The following NXPH4 variants were observed in gnomAD, a reference collection of about 807,000 sequenced individuals.
The protein encoded by NXPH4 is neurexophilin-4.
A neutral mutation model predicts 21.3 loss-of-function variants in NXPH4; 8 were observed. That is an observed-to-expected ratio of 0.38 (90% CI 0.22 to 0.68). The LOEUF (loss-of-function observed/expected upper bound fraction) is 0.68. Among genes scored for constraint, NXPH4 ranks in the 30% least tolerant of loss-of-function variants. The pLI is 0.53. For synonymous variants in NXPH4, 219 were observed against 192.6 expected, an observed-to-expected ratio of 1.14 and a Z score of -1.13; for missense variants, 418 against 416.8, an observed-to-expected ratio of 1.00 and a Z score of -0.03.
Position 57,224,953 on chromosome 12 carries a change from G to GC in NXPH4, c.138dup (p.Gly47ArgfsTer192). Reference sequence around the variant, plus strand: ...GCGCCCCGCCGCGGCCGGAGCGGGTGCCCCCGGCCAGCAGCTCCCAGAGCC... The same window carrying GC: ...GCGCCCCGCCGCGGCCGGAGCGGGTGCCCCCCGGCCAGCAGCTCCCAGAGCC... On this transcript the variant is annotated frameshift_variant, in exon 2 of 2. Transcript: ENST00000349394. LOFTEE classifies it high-confidence loss of function. The GC allele has an allele frequency of 1.4e-6, 2 of 1,401,324 alleles. No individual in the cohort carries two copies. Among genetic ancestry groups the GC allele is most frequent in the South Asian group, 3.2e-5 (2 of 62,684 alleles). The allele number at this position is 1,401,324 out of a possible 1,614,324, so 86.8% of individuals were successfully genotyped here.
chr12:57,223,588 C>A lies in NXPH4; in HGVS notation c.58-1290C>A, dbSNP rs555728808. ...AGGCTGACACACATGGTACTGCCTC[C>A]CCCCATGGGACCTGTGCACAGTCAG... On this transcript the variant is annotated intron_variant, in intron 1 of 1. Coordinates refer to ENST00000349394, the MANE Select transcript of NXPH4 (RefSeq NM_007224.4). 7.9e-5 allele frequency among the ~76,000 whole-genome samples: 12 copies of A among 152,316 alleles called. No individual in the cohort carries two copies. In the South Asian group the frequency reaches 2.5e-3, roughly 32 times the overall value.
At chr12:57,218,782 C>T (rs929240116) in intron 1 of NXPH4, among the ~76,000 whole-genome samples, 2 of 151,946 alleles carry the variant, frequency 1.3e-5, no homozygotes, top group Non-Finnish European at 2.9e-5. Flanking sequence ...GTACACACTG[C>T]GGGTGTGTGA....
In NXPH4 at chr12:57,225,451, G is replaced by T. The variant is rs745393991; in HGVS notation, c.631G>T (p.Ala211Ser). Reference sequence around the variant, plus strand: ...CGGGCTTGGGGGCTCCCTCGGGGGCGCACTGGCGGGGCCGCTTGGGGGCGC... The same window carrying T: ...CGGGCTTGGGGGCTCCCTCGGGGGCTCACTGGCGGGGCCGCTTGGGGGCGC... ...GPGLGGSLGG[A>S]LAGPLGGALG... is the part of the protein sequence containing the mutation. The change falls in exon 2 of 2, where the codon GCA (alanine) becomes TCA (serine). Residue 211 changes from alanine (A) to serine (S), a missense_variant. Transcript: ENST00000349394. 239 of 1,602,202 alleles carry T rather than the reference G, an allele frequency of 1.5e-4. No homozygotes were observed. The highest frequency in any genetic ancestry group is 1.9e-4 in the Non-Finnish European group (229 of 1,176,538).
At chr12:57,220,574 A>G (rs1179634439) in intron 1 of NXPH4, among the ~76,000 whole-genome samples, 2 of 152,208 alleles carry the variant, frequency 1.3e-5, no homozygotes, top group Non-Finnish European at 2.9e-5. Context: ...GCCCAAGGGC[A>G]GAGCCTACCC....
intron 1 of NXPH4, among the ~76,000 whole-genome samples, chr12:57,220,537 G>C (rs2037081631): frequency 6.6e-6 from 1 of 152,236 alleles, no homozygotes; most frequent in Admixed American, 6.5e-5. Context: ...AAGTCAGGCA[G>C]GCAGGGGTAG....
In NXPH4 at chr12:57,218,881, C is replaced by T. The variant is rs536825352; in HGVS notation, c.57+1855C>T. ...TGCTTCTGTGCACTTGTGAGTGTGG[C>T]GTATGCACATGTATACCCCGGGGTT... On this transcript the variant is annotated intron_variant, in intron 1 of 1. Coordinates refer to ENST00000349394, the MANE Select transcript of NXPH4 (RefSeq NM_007224.4). 3.9e-5 allele frequency among the ~76,000 whole-genome samples: 6 copies of T among 152,166 alleles called. No individual in the cohort carries two copies. In the East Asian group the frequency reaches 9.6e-4, roughly 24 times the overall value.
chr12:57,220,327 C>G (rs980194339), intron 1 of NXPH4, among the ~76,000 whole-genome samples: 1 of 152,274 alleles, frequency 6.6e-6, no homozygotes, highest in African/African-American at 2.4e-5. Flanking sequence ...CGGCTCCCCC[C>G]AACCCCCACC....
chr12:57,218,633 C>T (rs1280363958), intron 1 of NXPH4, among the ~76,000 whole-genome samples: 1 of 152,148 alleles, frequency 6.6e-6, no homozygotes, highest in Admixed American at 6.5e-5. Flanking sequence ...TGAGAGTGAG[C>T]GTGAGGATAT....
intron 1 of NXPH4, chr12:57,221,286 C>T (rs1328275164): frequency 2.2e-6 from 1 of 454,098 alleles, no homozygotes; most frequent in Admixed American, 2.4e-5. Flanking sequence ...GCTCAGGATG[C>T]TCTTTTCTCC....
chr12:57,225,088 C>G lies in NXPH4; in HGVS notation c.268C>G (p.Arg90Gly). 1 of 1,482,384 alleles carries G rather than the reference C, an allele frequency of 6.7e-7. No individual in the cohort carries two copies. Among genetic ancestry groups the G allele is most frequent in the South Asian group, 1.3e-5 (1 of 74,896 alleles). 91.8% of individuals were successfully genotyped at this position (1,482,384 alleles called of 1,614,324 possible). Residue 90 changes from arginine to glycine, a missense_variant, in exon 2 of 2, where the codon CGC becomes GGC. By Grantham distance (125) the Arg-to-Gly change is moderately radical (BLOSUM62 -2). Coordinates refer to ENST00000349394, the MANE Select transcript of NXPH4 (RefSeq NM_007224.4). The stretch of plus-strand genomic sequence containing the variant: ...GGCAGCCGGGGCGTTGCCCGCGCAG[C>G]GCACCAAGAGGAAGCCGTCCATCAA... ...AGAAGALPAQ[R>G]TKRKPSIKAA...
At chr12:57,224,759 G>T (rs1018847869) in intron 1 of NXPH4, 119 bp from the exon 2 acceptor site, 1 of 450,104 alleles carries the variant, frequency 2.2e-6, no homozygotes, top group Non-Finnish European at 3.9e-6. Flanking sequence ...CCCGCTGCGG[G>T]ACTGCGTGAT....
rs2037137461 is a variant in NXPH4 at position 57,225,607 on chromosome 12, C to G, written c.787C>G (p.Gln263Glu). The change falls in exon 2 of 2, where the codon CAG becomes GAG. Residue 263 changes from glutamine (Q) to glutamate (E), a missense_variant. Physicochemically the swap from Gln to Glu is conservative, Grantham distance 29. Transcript: ENST00000349394. ...GCAGGTGTGCTTCACCGAGCACACG[C>G]AGAGCCAGGCCGCCTGGCTCTGTGC... ...PSQVCFTEHT[Q>E]SQAAWLCAKP... is the part of the protein sequence containing the mutation. The G allele has an allele frequency of 1.2e-6, 2 of 1,613,480 alleles. No individual in the cohort carries two copies.
chr12:57,222,113 C>CA lies in NXPH4; in HGVS notation c.58-2765_58-2764insA, dbSNP rs78655403. ...TATTCCATGTTCCCATTTCTCGGCT[C>CA]TCGTTTCCTCACAGACTCTCACCCC... On this transcript the variant is annotated intron_variant, in intron 1 of 1. Transcript: ENST00000349394. Among the ~76,000 whole-genome samples, 1,039 of 152,290 alleles carry CA rather than the reference C, an allele frequency of 6.8e-3. 17 individuals carry two copies. Among genetic ancestry groups the CA allele is most frequent in the East Asian group, 0.067 (349 of 5,186 alleles).
chr12:57,226,089 G>T lies in NXPH4; in HGVS notation c.*342G>T, dbSNP rs1212129293. 3.8e-6 allele frequency: 2 copies of T among 528,930 alleles called. No homozygotes were observed. The highest frequency in any genetic ancestry group is 6.3e-6 in the Non-Finnish European group (2 of 319,484). The allele number at this position is 528,930 out of a possible 1,614,324, so 32.8% of individuals were successfully genotyped here. On this transcript the variant is annotated 3_prime_UTR_variant, in exon 2 of 2. Coordinates refer to ENST00000349394, the MANE Select transcript of NXPH4 (RefSeq NM_007224.4). ...GCTAGGCTGCGCACTCCCTTTCCCC[G>T]CAGCTTTAATAACTCCTGGCCTGGC...
In NXPH4 at chr12:57,225,776, C is replaced by G. The variant is rs761648269; in HGVS notation, c.*29C>G. The G allele has an allele frequency of 4.4e-6, 7 of 1,589,382 alleles. No homozygotes were observed. In the African/African-American group the frequency reaches 5.4e-5, roughly 12 times the overall value. ...CCCTCCCCAGCCAGTCCTGAGCCTC[C>G]CGCCAAATCCCAGCCTCACTAGGTG... On this transcript the variant is annotated 3_prime_UTR_variant, in exon 2 of 2. Coordinates refer to ENST00000349394, the MANE Select transcript of NXPH4 (RefSeq NM_007224.4).
rs773721465 is a variant in NXPH4, at chr12:57,225,749, G to T, written c.*2G>T. ...AGTGAGCACCCCTACTTCGGATAGC[G>T]CCCCTCCCCAGCCAGTCCTGAGCCT... On this transcript the variant is annotated 3_prime_UTR_variant, in exon 2 of 2. Transcript: ENST00000349394. 1 of 1,606,290 alleles carries T rather than the reference G, an allele frequency of 6.2e-7. No homozygotes were observed. The highest frequency in any genetic ancestry group is 1.3e-5 in the African/African-American group (1 of 74,892).
intron 1 of NXPH4, among the ~76,000 whole-genome samples, chr12:57,224,380 C>T (rs896949337): frequency 6.6e-6 from 1 of 152,206 alleles, no homozygotes; most frequent in Admixed American, 6.5e-5. Flanking sequence ...CCTCAGCCCC[C>T]CAAAGTGCTG....
chr12:57,218,451 G>A (rs757275390), intron 1 of NXPH4, among the ~76,000 whole-genome samples: 1 of 152,192 alleles, frequency 6.6e-6, no homozygotes, highest in Non-Finnish European at 1.5e-5. Flanking sequence ...ACCCACCCAT[G>A]TGTGAAGGCC....
rs187218448 is a variant in NXPH4 at position 57,219,568 on chromosome 12, C to G, written c.57+2542C>G. Among the ~76,000 whole-genome samples the G allele has an allele frequency of 5.2e-3, 793 of 152,272 alleles. 6 individuals are homozygous for G. The highest frequency in any genetic ancestry group is 5.2e-3 in the Non-Finnish European group (353 of 68,014). On this transcript the variant is annotated intron_variant, in intron 1 of 1. Coordinates refer to ENST00000349394, the MANE Select transcript of NXPH4 (RefSeq NM_007224.4). ...TCTGATTCTCTTAGAGCTGGCTGGC[C>G]GAAGCCCCTCAGCCAGCTACCCCCT...
Sources: gnomAD v4.1 joint callset for allele counts (sites outside exome capture counted in the v4.1 genomes callset) on GRCh38, gnomAD v4.1.1 for gene constraint, MANE v1.5 for transcripts, NCBI Gene and HGNC (gene_info 2026-07-23, HGNC 2026-07-21) for gene names.